The following EIF2AK2 variants were observed in gnomAD, a reference collection of about 807,000 sequenced individuals.
EIF2AK2 encodes interferon-induced, double-stranded RNA-activated protein kinase.
In EIF2AK2, 40 loss-of-function variants were observed where a neutral mutation model predicts 70.5. That is an observed-to-expected ratio of 0.57 (90% CI 0.44 to 0.74). The LOEUF is 0.74. Among genes scored for constraint, EIF2AK2 ranks in the 30% least tolerant of loss-of-function variants. The pLI is 0.00. For missense variants in EIF2AK2, 555 were observed against 644.3 expected (o/e 0.86, Z 1.50); for synonymous variants, 198 against 220.9 (o/e 0.90, Z 0.92).
At chr2:37,128,731 A>G (rs1285934206) in intron 10 of EIF2AK2, among the ~76,000 whole-genome samples, 1 of 152,196 alleles carries the variant, frequency 6.6e-6, no homozygotes, top group Non-Finnish European at 1.5e-5. Flanking sequence ...CTTGATTATA[A>G]TAACTCCATA....
At chr2:37,111,023 A>G (rs1674124789) in intron 14 of EIF2AK2, among the ~76,000 whole-genome samples, 1 of 152,232 alleles carries the variant, frequency 6.6e-6, no homozygotes. Flanking sequence ...TCTTGAGGAT[A>G]TTATGCTGAG....
intron 13 of EIF2AK2, among the ~76,000 whole-genome samples, chr2:37,118,145 CA>C (rs759888634): frequency 3.0e-4 from 43 of 141,628 alleles, no homozygotes; most frequent in African/African-American, 9.1e-4. Context: ...CCTGTCTCTA[CA>C]AAAAAAAAAC....
chr2:37,120,397 CCG>C (rs1252488045), intron 12 of EIF2AK2, among the ~76,000 whole-genome samples: 4 of 149,994 alleles, frequency 2.7e-5, no homozygotes, highest in African/African-American at 9.8e-5. Context: ...CCCAGCTACT[CCG>C]GGGAGGCTGA....
chr2:37,108,434 A>G (rs1014807086), intron 15 of EIF2AK2, among the ~76,000 whole-genome samples: 38 of 152,180 alleles, frequency 2.5e-4, no homozygotes, highest in African/African-American at 8.7e-4. Flanking sequence ...TGTCTCCATG[A>G]AACCTAAGTC....
chr2:37,121,617 A>ATTT (rs34031780), intron 12 of EIF2AK2, among the ~76,000 whole-genome samples: 12 of 122,162 alleles, frequency 9.8e-5, no homozygotes, highest in African/African-American at 3.0e-4. Flanking sequence ...TGGAGGCTTG[A>ATTT]TTTTTTTTTT....
rs1255852292 is a variant in EIF2AK2, at chr2:37,103,809, A to T, written c.*3464T>A. 6.6e-6 allele frequency: 1 copy of T among 152,148 alleles called. No homozygotes were observed. Among genetic ancestry groups the T allele is most frequent in the African/African-American group, 2.4e-5 (1 of 41,426 alleles). The allele number at this position is 152,148 out of a possible 1,614,324, so 9.4% of individuals were successfully genotyped here. A position where few individuals can be genotyped will look rare whatever the true frequency, so the allele number is the denominator to read the frequency against. ...TTGAAAGTTGCAGACATCATGACAC[A>T]CTTGGCCTCTAAATGTTTGTGCATG... On this transcript the variant is annotated 3_prime_UTR_variant, in exon 17 of 17. Transcript: ENST00000233057.
At chr2:37,111,358 G>A (rs891868904) in intron 14 of EIF2AK2, among the ~76,000 whole-genome samples, 3 of 151,010 alleles carry the variant, frequency 2.0e-5, no homozygotes, top group African/African-American at 4.9e-5. Context: ...TAAAATTAAC[G>A]GCTACACTAA....
chr2:37,103,716 T>C lies in EIF2AK2; in HGVS notation c.*3557A>G, dbSNP rs1398310243. ...TGTACTGTCATCTAGATTTACCAAT[T>C]GTACAATGGCTAATATTTTGCCACA... is the stretch of plus-strand genomic sequence containing the variant. On this transcript the variant is annotated 3_prime_UTR_variant, in exon 17 of 17. Coordinates refer to ENST00000233057, the MANE Select transcript of EIF2AK2 (RefSeq NM_001135651.3). 1 of 152,216 alleles carries C rather than the reference T, an allele frequency of 6.6e-6. No individual in the cohort carries two copies. The highest frequency in any genetic ancestry group is 1.5e-5 in the Non-Finnish European group (1 of 68,038). 9.4% of individuals were successfully genotyped at this position (152,216 alleles called of 1,614,324 possible).
chr2:37,122,732 C>G, intron 11 of EIF2AK2, 68 bp from the exon 12 acceptor site: 1 of 1,580,174 alleles, frequency 6.3e-7, no homozygotes. Context: ...CAAAACACCT[C>G]ATGTAATAGA....
At chr2:37,153,790 C>G (rs1675827163) in intron 1 of EIF2AK2, among the ~76,000 whole-genome samples, 1 of 152,120 alleles carries the variant, frequency 6.6e-6, no homozygotes, top group African/African-American at 2.4e-5. Context: ...GCTGTGAACA[C>G]TGGTATACAT....
At chr2:37,132,515 AG>A (rs1465660469) in intron 10 of EIF2AK2, among the ~76,000 whole-genome samples, 2 of 152,022 alleles carry the variant, frequency 1.3e-5, no homozygotes, top group African/African-American at 2.4e-5. Context: ...CTTGAACCCC[AG>A]AGGCAGAGAT....
At chr2:37,152,115 T>G (rs780111188) in intron 1 of EIF2AK2, among the ~76,000 whole-genome samples, 30 of 152,116 alleles carry the variant, frequency 2.0e-4, no homozygotes, top group Non-Finnish European at 3.4e-4. Context: ...CTCAAAAACA[T>G]TATGCAAAAT....
At chr2:37,144,607 A>G (rs888333601) in intron 4 of EIF2AK2, among the ~76,000 whole-genome samples, 1 of 151,026 alleles carries the variant, frequency 6.6e-6, no homozygotes, top group Admixed American at 6.6e-5. Context: ...TTTTTGAGAC[A>G]GGGTCTTGCT....
chr2:37,130,274 G>A (rs1354833925), intron 10 of EIF2AK2, among the ~76,000 whole-genome samples: 1 of 151,954 alleles, frequency 6.6e-6, no homozygotes, highest in Non-Finnish European at 1.5e-5. Context: ...ACTAATTTTT[G>A]TATTTTTAGT....
At position 37,107,319 on chromosome 2, in the gene EIF2AK2, G is replaced by A; in HGVS notation, c.1610C>T (p.Thr537Ile). ...PNTSEILRTL[T>I]VWKKSPEKNE... is the part of the protein sequence containing the mutation. ...TTTCTCTGGGCTTTTCTTCCACACAGTCAAGGTCCTTAGTATTTCAGATGT... is the reference window on the plus strand; with the variant it reads ...TTTCTCTGGGCTTTTCTTCCACACAATCAAGGTCCTTAGTATTTCAGATGT... Residue 537 changes from threonine to isoleucine, a missense_variant, in exon 17 of 17, where the codon ACT (threonine) becomes ATT (isoleucine). By Grantham distance (89) the Thr-to-Ile change is moderately conservative. Coordinates refer to ENST00000233057, the MANE Select transcript of EIF2AK2 (RefSeq NM_001135651.3). 6.2e-7 allele frequency: 1 copy of A among 1,613,944 alleles called. No individual in the cohort carries two copies. The highest frequency in any genetic ancestry group is 1.7e-5 in the Admixed American group (1 of 60,008).
intron 12 of EIF2AK2, 94 bp downstream of exon 12, chr2:37,122,412 C>T (rs182796152): frequency 1.7e-5 from 22 of 1,295,576 alleles, no homozygotes; most frequent in East Asian, 4.8e-5. Context: ...GATAATTAAT[C>T]GTGATGATTA....
intron 11 of EIF2AK2, among the ~76,000 whole-genome samples, chr2:37,124,162 T>A (rs1674652202): frequency 1.3e-5 from 2 of 152,030 alleles, no homozygotes; most frequent in African/African-American, 2.4e-5. Context: ...GAGACAGGGT[T>A]TCTCCATGTT....
chr2:37,131,986 A>G (rs761909278), intron 10 of EIF2AK2, among the ~76,000 whole-genome samples: 4 of 152,232 alleles, frequency 2.6e-5, no homozygotes, highest in Non-Finnish European at 5.9e-5. Flanking sequence ...TCTCACAGCT[A>G]AGGGAACTCC....
intron 10 of EIF2AK2, among the ~76,000 whole-genome samples, chr2:37,133,753 T>C (rs988170072): frequency 6.6e-6 from 1 of 152,248 alleles, no homozygotes; most frequent in African/African-American, 2.4e-5. Context: ...AAACTTTCAT[T>C]GCTTCCTAAC....
Sources: allele counts gnomAD v4.1 joint callset (sites outside exome capture counted in the v4.1 genomes callset), GRCh38; gene constraint gnomAD v4.1.1; transcripts MANE v1.5; gene names NCBI Gene and HGNC (gene_info 2026-07-23, HGNC 2026-07-21).